LAMA1: variants seen among roughly 807,000 people sequenced by gnomAD.
LAMA1 encodes laminin subunit alpha 1, also known as laminin subunit alpha-1.
A neutral mutation model predicts 348.7 loss-of-function variants in LAMA1; 219 were observed. That is an observed-to-expected ratio of 0.63 (90% CI 0.56 to 0.70). The LOEUF (loss-of-function observed/expected upper bound fraction) is 0.70, where lower values mean the gene tolerates loss of function less well. Ranked by LOEUF, LAMA1 falls within the 30% of genes least tolerant of loss-of-function variation. The probability of loss-of-function intolerance (pLI) is 0.00; values close to 1 mark genes in which losing one functional copy is unlikely to be tolerated. For synonymous variants in LAMA1, 1,487 were observed against 1,491.0 expected, an observed-to-expected ratio of 1.00 and a Z score of 0.06; for missense variants, 3,744 against 3,888.0, an observed-to-expected ratio of 0.96 and a Z score of 0.99.
rs2057847700 is a variant in LAMA1, at chr18:7,009,261, C to T, written c.3979G>A (p.Gly1327Ser). 1.2e-6 allele frequency: 2 copies of T among 1,614,026 alleles called. No homozygotes were observed. The highest frequency in any genetic ancestry group is 4.5e-5 in the East Asian group (2 of 44,864). Residue 1327 changes from glycine (G) to serine (S), a missense_variant, in exon 27 of 63, where the codon GGT becomes AGT. Physicochemically the swap from Gly to Ser is moderately conservative, Grantham distance 56. Coordinates refer to ENST00000389658, the MANE Select transcript of LAMA1 (RefSeq NM_005559.4). ...IEYILIKASY[G>S]QGLQQSRISD... ...TACCTGCTCTGCTGTAATCCTTGACCATACGATGCCTTGATGAGGATGTAC... is the reference window on the plus strand; with the variant it reads ...TACCTGCTCTGCTGTAATCCTTGACTATACGATGCCTTGATGAGGATGTAC...
intron 56 of LAMA1, 51 bp from the exon 57 acceptor site, chr18:6,955,516 AC>A (rs1459821641): frequency 1.5e-6 from 2 of 1,348,324 alleles, no homozygotes; most frequent in Non-Finnish European, 2.1e-6. Context: ...CCCGAACCCC[AC>A]TGACACACGC....
chr18:6,975,198 C>T (rs2057676378), intron 45 of LAMA1, among the ~76,000 whole-genome samples, 162 bp from the exon 46 acceptor site: 1 of 152,140 alleles, frequency 6.6e-6, no homozygotes, highest in Non-Finnish European at 1.5e-5. Flanking sequence ...TTGAAATGGT[C>T]CCTTCCCTGG....
At chr18:7,108,543 C>A (rs114396582) in intron 1 of LAMA1, among the ~76,000 whole-genome samples, 2,684 of 146,242 alleles carry the variant, frequency 0.018, 82 homozygotes, top group African/African-American at 0.064. Context: ...CCATTCCCAG[C>A]TACTCAGGAG....
intron 11 of LAMA1, chr18:7,038,485 G>A (rs1394957287): frequency 2.5e-6 from 1 of 400,698 alleles, no homozygotes; most frequent in South Asian, 2.2e-5. Flanking sequence ...TGGGCTCCCA[G>A]GCCTGAGAGC....
intron 10 of LAMA1, among the ~76,000 whole-genome samples, chr18:7,039,310 T>C (rs528847764): frequency 6.6e-6 from 1 of 152,326 alleles, no homozygotes; most frequent in African/African-American, 2.4e-5. Flanking sequence ...CAGTAGTATA[T>C]AACATGTGCC....
At chr18:6,983,324 G>T in intron 39 of LAMA1, 90 bp from the exon 40 acceptor site, 1 of 1,325,428 alleles carries the variant, frequency 7.5e-7, no homozygotes. Flanking sequence ...TACCAGTTTT[G>T]AAAGCCTCCT....
chr18:7,010,075 G>C, intron 26 of LAMA1, 125 bp downstream of exon 26: 1 of 1,068,326 alleles, frequency 9.4e-7, no homozygotes, highest in East Asian at 2.4e-5. Flanking sequence ...TCAAAGTGGT[G>C]GGATTACAGG....
chr18:7,004,863 G>A (rs1038565690), intron 29 of LAMA1, among the ~76,000 whole-genome samples: 3 of 152,204 alleles, frequency 2.0e-5, no homozygotes, highest in Admixed American at 6.5e-5. Flanking sequence ...AGCTCAAAGA[G>A]CAAGGAAGAA....
chr18:7,024,664 G>C (rs1225466224), intron 17 of LAMA1, among the ~76,000 whole-genome samples, 198 bp from the exon 18 acceptor site: 15 of 152,116 alleles, frequency 9.9e-5, no homozygotes, highest in Admixed American at 9.8e-4. Flanking sequence ...CCATGATCCA[G>C]GCACTGACAC....
intron 41 of LAMA1, 49 bp from the exon 42 acceptor site, chr18:6,980,686 G>T (rs750913626): frequency 7.8e-6 from 9 of 1,152,466 alleles, no homozygotes; most frequent in African/African-American, 1.5e-5. Context: ...CTACAAAAAA[G>T]TTGCCTAGGC....
chr18:7,085,474 A>G (rs965780843), intron 1 of LAMA1, among the ~76,000 whole-genome samples: 9 of 127,056 alleles, frequency 7.1e-5, no homozygotes, highest in Non-Finnish European at 1.4e-4. Flanking sequence ...GCTGTAGTGC[A>G]GTGGCACGAT....
intron 1 of LAMA1, among the ~76,000 whole-genome samples, chr18:7,083,193 A>ATTTTTTTTTTTTTTTTTTTTTTTTTT (rs10685378): frequency 7.1e-6 from 1 of 141,074 alleles, no homozygotes; most frequent in African/African-American, 2.6e-5. Flanking sequence ...ATATATATAC[A>ATTTTTTTTTTTTTTTTTTTTTTTTTT]TTTTTTTTTT....
chr18:6,975,946 G>A lies in LAMA1; in HGVS notation c.6480C>T (p.Ser2160=). The change falls in exon 45 of 63, where the codon AGC becomes AGT. Residue 2160 remains serine, a synonymous_variant. Transcript: ENST00000389658. The part of the protein sequence containing the change: ...EPDNLLFYLG[S]STASDFLAVE... ...AAGGTCCATAACTTACAGCGGTGCT[G>A]CTACCGAGGTAGAAGAGAAGATTAT... is the stretch of plus-strand genomic sequence containing the variant. 1 of 1,614,088 alleles carries A rather than the reference G, an allele frequency of 6.2e-7. No individual in the cohort carries two copies. Among genetic ancestry groups the A allele is most frequent in the Non-Finnish European group, 8.5e-7 (1 of 1,180,014 alleles).
chr18:6,963,696 A>AATGACCCCACTCCCTGCAAGCTG, intron 51 of LAMA1, among the ~76,000 whole-genome samples: 1 of 152,334 alleles, frequency 6.6e-6, no homozygotes, highest in African/African-American at 2.4e-5. Context: ...TTGGACATCT[A>AATGACCCCACTCCCTGCAAGCTG]ATGACCCCAC....
intron 11 of LAMA1, 134 bp downstream of exon 11, chr18:7,038,676 A>T (rs1246029122): frequency 8.2e-7 from 1 of 1,216,972 alleles, no homozygotes; most frequent in Admixed American, 1.7e-5. Flanking sequence ...CCTTTGACCC[A>T]CGTCAGTATC....
intron 18 of LAMA1, 30 bp downstream of exon 18, chr18:7,024,350 A>G (rs1446064872): frequency 1.3e-6 from 2 of 1,572,806 alleles, no homozygotes; most frequent in Non-Finnish European, 1.7e-6. Context: ...TAATTTCGAA[A>G]ATGTGTTGAA....
intron 19 of LAMA1, 115 bp downstream of exon 19, chr18:7,023,049 C>A (rs1484121185): frequency 9.3e-7 from 1 of 1,080,352 alleles, no homozygotes; most frequent in South Asian, 1.5e-5. Context: ...ATGCAAGTAA[C>A]CCCTCAAGAG....
intron 57 of LAMA1, among the ~76,000 whole-genome samples, chr18:6,952,937 C>T (rs908573468): frequency 4.0e-5 from 6 of 149,274 alleles, no homozygotes; most frequent in African/African-American, 1.5e-4. Flanking sequence ...TGCCTGTGTC[C>T]AGTGGATCCA....
At chr18:7,082,373 T>C (rs907806782) in intron 1 of LAMA1, among the ~76,000 whole-genome samples, 18 of 152,178 alleles carry the variant, frequency 1.2e-4, no homozygotes, top group Non-Finnish European at 1.9e-4. Context: ...TTGTTTTTAA[T>C]ATAAAATAAG....
Sources: allele counts gnomAD v4.1 joint callset (sites outside exome capture counted in the v4.1 genomes callset), GRCh38; gene constraint gnomAD v4.1.1; transcripts MANE v1.5; gene names NCBI Gene and HGNC (gene_info 2026-07-23, HGNC 2026-07-21).